Variants in PICALM observed in about 807,000 individuals in gnomAD.
PICALM encodes phosphatidylinositol-binding clathrin assembly protein.
PICALM carries 40 observed loss-of-function variants against 80.5 expected under a neutral mutation model. That is an observed-to-expected ratio of 0.50 (90% CI 0.39 to 0.65). The LOEUF is 0.65. Among genes scored for constraint, PICALM ranks in the 30% least tolerant of loss-of-function variants. The probability of loss-of-function intolerance (pLI) is 0.00; values close to 1 mark genes in which losing one functional copy is unlikely to be tolerated. For missense variants in PICALM, 676 were observed against 778.9 expected (o/e 0.87, Z 1.57); for synonymous variants, 288 against 260.3 (o/e 1.11, Z -1.02).
At chr11:85,994,252 T>C (rs1024851448) in intron 12 of PICALM, among the ~76,000 whole-genome samples, 1 of 152,186 alleles carries the variant, frequency 6.6e-6, no homozygotes. Context: ...TTCTCAGATA[T>C]TAGTATTCAA....
intron 2 of PICALM, among the ~76,000 whole-genome samples, chr11:86,029,028 G>A (rs560286891): frequency 8.2e-4 from 125 of 151,884 alleles, no homozygotes; most frequent in Middle Eastern, 3.4e-3. Context: ...TACTAGAGAC[G>A]GGGTTTCACC....
At position 86,041,941 on chromosome 11, in the gene PICALM, A is replaced by G. The variant is rs546226667; in HGVS notation, c.131-10330T>C. Among the ~76,000 whole-genome samples the G allele has an allele frequency of 6.6e-5, 10 of 152,276 alleles. No individual in the cohort carries two copies. In the South Asian group the frequency reaches 2.1e-3, roughly 32 times the overall value. On this transcript the variant is annotated intron_variant, in intron 1 of 19. Coordinates refer to ENST00000393346, the MANE Select transcript of PICALM (RefSeq NM_007166.4). ...TCACTGCCACTGACTTGTATTTTCA[A>G]ATGAAAGAGTTGTTCCTCCCCCCTC...
At position 86,018,431 on chromosome 11, in the gene PICALM, T is replaced by A. The variant is rs2095513551; in HGVS notation, c.453-3468A>T. 3.3e-5 allele frequency among the ~76,000 whole-genome samples: 5 copies of A among 152,298 alleles called. No homozygotes were observed. The Middle Eastern group carries it at 0.01, about 311-fold the overall frequency. On this transcript the variant is annotated intron_variant, in intron 4 of 19. Transcript: ENST00000393346. ...GTGTTTTGTATTAAAATGTTAAATG[T>A]ATATATATCTCAATGACTCATCAAT... is the stretch of plus-strand genomic sequence containing the variant.
At chr11:85,963,944 A>G (rs1216531273) in intron 19 of PICALM, among the ~76,000 whole-genome samples, 1 of 38,148 alleles carries the variant, frequency 2.6e-5, no homozygotes, top group Non-Finnish European at 5.6e-5. Context: ...TTTTTTTTTT[A>G]TTAAAGTTAA....
At chr11:86,036,860 G>A (rs144761142) in intron 1 of PICALM, among the ~76,000 whole-genome samples, 22 of 151,096 alleles carry the variant, frequency 1.5e-4, no homozygotes, top group African/African-American at 5.1e-4. Flanking sequence ...CCAGTGCTTT[G>A]GAAGGCCGAG....
chr11:86,069,164 C>T (rs2096487192), upstream of PICALM: 1 of 221,304 alleles, frequency 4.5e-6, no homozygotes, highest in Non-Finnish European at 9.1e-6. Context: ...CCTTCTCCCG[C>T]CCCTTTCCCC....
intron 12 of PICALM, among the ~76,000 whole-genome samples, chr11:85,995,334 T>C (rs2135993283): frequency 6.6e-6 from 1 of 152,328 alleles, no homozygotes; most frequent in South Asian, 2.1e-4. Flanking sequence ...TTAAATGTAT[T>C]CCAATATATT....
chr11:86,057,912 T>A (rs2096294475), intron 1 of PICALM, among the ~76,000 whole-genome samples: 1 of 152,032 alleles, frequency 6.6e-6, no homozygotes, highest in South Asian at 2.1e-4. Flanking sequence ...CTGGAACCAA[T>A]CCCCTATAGA....
chr11:85,971,565 A>G (rs1177653348), intron 19 of PICALM, among the ~76,000 whole-genome samples: 1 of 151,962 alleles, frequency 6.6e-6, no homozygotes, highest in Non-Finnish European at 1.5e-5. Context: ...GCAAAACTCC[A>G]TCTCTAAAAA....
intron 1 of PICALM, among the ~76,000 whole-genome samples, chr11:86,047,252 G>A (rs1387875421): frequency 1.3e-5 from 2 of 152,178 alleles, no homozygotes; most frequent in African/African-American, 2.4e-5. Context: ...ATTCAGTGTT[G>A]TGTTTAGTTC....
intron 12 of PICALM, among the ~76,000 whole-genome samples, chr11:85,992,441 C>A (rs1391695445): frequency 2.0e-5 from 3 of 151,958 alleles, no homozygotes; most frequent in African/African-American, 7.3e-5. Context: ...CGTGCCACCA[C>A]GCTCAGCTCA....
intron 11 of PICALM, among the ~76,000 whole-genome samples, chr11:85,998,529 A>T (rs1259159289): frequency 6.6e-6 from 1 of 151,690 alleles, no homozygotes; most frequent in African/African-American, 2.4e-5. Flanking sequence ...GTAGTGGCTC[A>T]TGCCTGTAAT....
chr11:85,960,128 A>G (rs2093639569), intron 19 of PICALM, among the ~76,000 whole-genome samples: 1 of 152,234 alleles, frequency 6.6e-6, no homozygotes, highest in African/African-American at 2.4e-5. Context: ...TGAAAGAGCC[A>G]TAAAAATATT....
chr11:86,000,850 T>C (rs1449472270), intron 10 of PICALM, 71 bp from the exon 11 acceptor site: 2 of 1,546,766 alleles, frequency 1.3e-6, no homozygotes, highest in Non-Finnish European at 1.8e-6. Context: ...GAAAAAAGCA[T>C]TTTCTAATTT....
chr11:86,059,169 G>A (rs2096316164), intron 1 of PICALM, among the ~76,000 whole-genome samples: 1 of 152,158 alleles, frequency 6.6e-6, no homozygotes, highest in African/African-American at 2.4e-5. Context: ...TACTGGCATA[G>A]ATTTTTATGT....
At chr11:86,008,465 C>T (rs1248870333) in intron 7 of PICALM, among the ~76,000 whole-genome samples, 1 of 151,966 alleles carries the variant, frequency 6.6e-6, no homozygotes, top group Non-Finnish European at 1.5e-5. Context: ...ACTAAAAATA[C>T]AAAAATTAGC....
intron 1 of PICALM, among the ~76,000 whole-genome samples, chr11:86,064,776 C>A (rs12283160): frequency 0.029 from 4,402 of 151,270 alleles, 219 homozygotes; most frequent in African/African-American, 0.1. Flanking sequence ...GAATTCATAT[C>A]AAAAAATAGG....
intron 1 of PICALM, among the ~76,000 whole-genome samples, chr11:86,067,309 T>C (rs2096461017): frequency 6.6e-6 from 1 of 152,238 alleles, no homozygotes; most frequent in Admixed American, 6.5e-5. Context: ...TCATGTATGA[T>C]GAAAGTCAGT....
chr11:85,960,901 C>G, intron 19 of PICALM: 1 of 327,902 alleles, frequency 3.0e-6, no homozygotes, highest in Non-Finnish European at 5.8e-6. Context: ...AATATAAGGG[C>G]AGTCTTTGTA....
Sources: allele counts gnomAD v4.1 joint callset (sites outside exome capture counted in the v4.1 genomes callset), GRCh38; gene constraint gnomAD v4.1.1; transcripts MANE v1.5; gene names NCBI Gene and HGNC (gene_info 2026-07-23, HGNC 2026-07-21).